TRHDE: variants seen among roughly 807,000 people sequenced by gnomAD.
The protein encoded by TRHDE is thyrotropin releasing hormone degrading enzyme.
Under a neutral mutation model 125.7 loss-of-function variants are expected in TRHDE, and 72 were observed. That is an observed-to-expected ratio of 0.57 (90% CI 0.47 to 0.70). TRHDE has a LOEUF of 0.70. TRHDE is among the 30% of genes least tolerant of loss of function. TRHDE has a pLI of 0.00. For missense variants in TRHDE, 1,110 were observed against 1,327.1 expected, an observed-to-expected ratio of 0.84 and a Z score of 2.54; for synonymous variants, 509 against 509.1, an observed-to-expected ratio of 1.00 and a Z score of 0.00.
At chr12:72,108,022 T>C (rs1011379383) in intron 2 of TRHDE, among the ~76,000 whole-genome samples, 1 of 152,062 alleles carries the variant, frequency 6.6e-6, no homozygotes, top group African/African-American at 2.4e-5. Flanking sequence ...AAATATTGCC[T>C]GTATTTCAAA....
At chr12:72,348,607 CT>C (rs1205688310) in intron 2 of TRHDE, among the ~76,000 whole-genome samples, 2 of 151,976 alleles carry the variant, frequency 1.3e-5, no homozygotes, top group Non-Finnish European at 2.9e-5. Flanking sequence ...GAAGCTAGGA[CT>C]TCTTTCCCAG....
intron 2 of TRHDE, among the ~76,000 whole-genome samples, chr12:72,153,576 A>C (rs1474572955): frequency 6.6e-6 from 1 of 152,154 alleles, no homozygotes; most frequent in Non-Finnish European, 1.5e-5. Flanking sequence ...AATGTGTCCC[A>C]GAGATTCTGG....
chr12:72,581,984 T>C (rs1453759019), intron 12 of TRHDE, among the ~76,000 whole-genome samples: 3 of 151,348 alleles, frequency 2.0e-5, no homozygotes, highest in Non-Finnish European at 2.9e-5. Flanking sequence ...CGCCTGTAGT[T>C]CCAGCTACTC....
chr12:72,369,166 G>C (rs890895177), intron 2 of TRHDE, among the ~76,000 whole-genome samples: 1 of 152,108 alleles, frequency 6.6e-6, no homozygotes, highest in Non-Finnish European at 1.5e-5. Flanking sequence ...TGAAATTACA[G>C]AGTAAAGGCT....
At chr12:72,287,941 ATT>A (rs1481877033) in intron 2 of TRHDE, among the ~76,000 whole-genome samples, 1 of 146,252 alleles carries the variant, frequency 6.8e-6, no homozygotes, top group Non-Finnish European at 1.5e-5. Context: ...AGGTATTAAG[ATT>A]CCACTTTTTT....
rs187502405 is a variant in TRHDE at position 72,433,031 on chromosome 12, C to T, written c.1316-36727C>T. Reference sequence around the variant, plus strand: ...ATTATGAAAGGGTGCTAGATATTTTCAAATGCTTTTAATGCTTCTATTGAG... The same window carrying T: ...ATTATGAAAGGGTGCTAGATATTTTTAAATGCTTTTAATGCTTCTATTGAG... On this transcript the variant is annotated intron_variant, in intron 3 of 18. Transcript: ENST00000261180. 3.2e-3 allele frequency among the ~76,000 whole-genome samples: 493 copies of T among 152,232 alleles called. 1 individual carries two copies. Among genetic ancestry groups the T allele is most frequent in the African/African-American group, 0.011 (458 of 41,548 alleles).
intron 2 of TRHDE, among the ~76,000 whole-genome samples, chr12:72,189,930 A>C (rs1877304245): frequency 6.6e-6 from 1 of 152,100 alleles, no homozygotes; most frequent in African/African-American, 2.4e-5. Context: ...CTTCCAGCAG[A>C]CACCTTTAGG....
At chr12:72,637,887 G>T (rs562685843) in intron 15 of TRHDE, among the ~76,000 whole-genome samples, 8,753 of 151,978 alleles carry the variant, frequency 0.058, 840 homozygotes, top group African/African-American at 0.2. Flanking sequence ...TATAATTTCT[G>T]TTCTTTTACA....
At chr12:72,194,583 T>C (rs1877402587) in intron 2 of TRHDE, among the ~76,000 whole-genome samples, 7 of 152,136 alleles carry the variant, frequency 4.6e-5, no homozygotes, top group Admixed American at 4.6e-4. Context: ...TTTATGTCCA[T>C]GAGTACCCAT....
At chr12:72,356,500 A>G (rs1870828062) in intron 2 of TRHDE, among the ~76,000 whole-genome samples, 1 of 151,372 alleles carries the variant, frequency 6.6e-6, no homozygotes, top group Non-Finnish European at 1.5e-5. Flanking sequence ...GTTTACCTAT[A>G]TAACAAACCT....
chr12:72,508,956 G>T (rs1374556180), intron 6 of TRHDE, among the ~76,000 whole-genome samples: 1 of 152,062 alleles, frequency 6.6e-6, no homozygotes, highest in Non-Finnish European at 1.5e-5. Context: ...CTTCTGTTAT[G>T]ATTGTAAGTT....
intron 3 of TRHDE, among the ~76,000 whole-genome samples, chr12:72,390,146 A>G (rs1872567369): frequency 6.6e-6 from 1 of 152,206 alleles, no homozygotes; most frequent in Non-Finnish European, 1.5e-5. Flanking sequence ...AGTACAAAGG[A>G]CCAATCTTTT....
At chr12:72,211,951 A>G (rs894314863) in intron 2 of TRHDE, among the ~76,000 whole-genome samples, 5 of 147,632 alleles carry the variant, frequency 3.4e-5, no homozygotes, top group Admixed American at 1.3e-4. Flanking sequence ...ACAATATATC[A>G]AAGAAAAAAA....
At chr12:72,637,194 C>T (rs1873796823) in intron 15 of TRHDE, among the ~76,000 whole-genome samples, 1 of 152,128 alleles carries the variant, frequency 6.6e-6, no homozygotes. Flanking sequence ...TGTTATTGGT[C>T]TATTCAGAGA....
chr12:72,342,679 G>T (rs908861304), intron 2 of TRHDE, among the ~76,000 whole-genome samples: 1 of 151,980 alleles, frequency 6.6e-6, no homozygotes, highest in Non-Finnish European at 1.5e-5. Context: ...TATTTTTATT[G>T]TCTTAATATT....
At chr12:72,318,040 G>C (rs1250906784) in intron 2 of TRHDE, among the ~76,000 whole-genome samples, 1 of 152,122 alleles carries the variant, frequency 6.6e-6, no homozygotes, top group African/African-American at 2.4e-5. Context: ...ATTATGACTA[G>C]AGGCAGTACA....
rs34492933 is a variant in TRHDE at position 72,318,716 on chromosome 12, A to ATT, written c.1188+31770_1188+31771dup. 4.3e-3 allele frequency among the ~76,000 whole-genome samples: 651 copies of ATT among 151,282 alleles called. 4 individuals are homozygous for ATT. Among genetic ancestry groups the ATT allele is most frequent in the African/African-American group, 0.015 (608 of 41,206 alleles). The stretch of plus-strand genomic sequence containing the variant: ...CCAGCTGAGTGATCTGTCAAAAGTT[A>ATT]TTTTTTTTTGTGCCTTAATATCCTT... On this transcript the variant is annotated intron_variant, in intron 2 of 18. Coordinates refer to ENST00000261180, the MANE Select transcript of TRHDE (RefSeq NM_013381.3).
chr12:72,314,359 A>G (rs1868699717), intron 2 of TRHDE, among the ~76,000 whole-genome samples: 1 of 145,426 alleles, frequency 6.9e-6, no homozygotes, highest in African/African-American at 2.6e-5. Flanking sequence ...TTTTTTTTTA[A>G]AAAAAGAAAA....
At chr12:72,490,709 A>C (rs1017606396) in intron 5 of TRHDE, among the ~76,000 whole-genome samples, 1 of 151,318 alleles carries the variant, frequency 6.6e-6, no homozygotes, top group Non-Finnish European at 1.5e-5. Context: ...AATAAGCTAG[A>C]CACAGAAAGA....
Sources: allele counts gnomAD v4.1 joint callset (sites outside exome capture counted in the v4.1 genomes callset), GRCh38; gene constraint gnomAD v4.1.1; transcripts MANE v1.5; gene names NCBI Gene and HGNC (gene_info 2026-07-23, HGNC 2026-07-21).